The following ERBB4 variants were observed in gnomAD, a reference collection of about 807,000 sequenced individuals.
The protein encoded by ERBB4 is receptor tyrosine-protein kinase erbB-4.
ERBB4 carries 42 observed loss-of-function variants against 158.0 expected under a neutral mutation model. That is an observed-to-expected ratio of 0.27 (90% confidence interval 0.21 to 0.34). ERBB4 has a LOEUF of 0.34. Among genes scored for constraint, ERBB4 ranks in the 10% least tolerant of loss-of-function variants. The pLI, the probability that ERBB4 is intolerant of heterozygous loss-of-function variation, is 1.00. For missense variants in ERBB4, 1,333 were observed against 1,624.1 expected (o/e 0.82, Z 3.08); for synonymous variants, 583 against 558.7 (o/e 1.04, Z -0.61).
intron 2 of ERBB4, among the ~76,000 whole-genome samples, chr2:212,076,822 G>A (rs1242900917): frequency 1.3e-5 from 2 of 151,732 alleles, no homozygotes; most frequent in African/African-American, 4.8e-5. Flanking sequence ...CAAAATATTC[G>A]TCCATCAAAA....
intron 1 of ERBB4, among the ~76,000 whole-genome samples, chr2:212,233,520 T>C (rs890452940): frequency 6.6e-6 from 1 of 152,170 alleles, no homozygotes; most frequent in Non-Finnish European, 1.5e-5. Flanking sequence ...AGTAAGTTGA[T>C]ATTAAGAAAC....
intron 2 of ERBB4, among the ~76,000 whole-genome samples, chr2:211,949,652 A>G (rs1325835258): frequency 6.6e-6 from 1 of 152,134 alleles, no homozygotes; most frequent in African/African-American, 2.4e-5. Context: ...TCTCTTTCAC[A>G]TGAAAAGTAT....
chr2:211,460,287 A>T (rs994273369), intron 20 of ERBB4, among the ~76,000 whole-genome samples: 3 of 152,154 alleles, frequency 2.0e-5, no homozygotes, highest in Non-Finnish European at 4.4e-5. Flanking sequence ...ATTTCTACTG[A>T]ACTGTAATCA....
intron 3 of ERBB4, among the ~76,000 whole-genome samples, chr2:211,918,333 T>A (rs2079758602): frequency 6.6e-6 from 1 of 152,182 alleles, no homozygotes; most frequent in African/African-American, 2.4e-5. Flanking sequence ...AACTTTTTTT[T>A]ATGTCTATAC....
At chr2:212,367,155 C>A (rs543800853) in intron 1 of ERBB4, among the ~76,000 whole-genome samples, 27 of 152,134 alleles carry the variant, frequency 1.8e-4, no homozygotes, top group Non-Finnish European at 3.5e-4. Flanking sequence ...CAGCCATCTA[C>A]AAGTCAAAGG....
intron 3 of ERBB4, among the ~76,000 whole-genome samples, chr2:211,890,011 T>C (rs1257732976): frequency 1.4e-4 from 14 of 97,106 alleles, no homozygotes; most frequent in Non-Finnish European, 6.0e-5. Flanking sequence ...ACTTCCCCAA[T>C]CTAGCAAGGC....
chr2:211,417,480 GA>G (rs1384138902), intron 25 of ERBB4, among the ~76,000 whole-genome samples: 2 of 151,904 alleles, frequency 1.3e-5, no homozygotes, highest in African/African-American at 4.8e-5. Context: ...TCTCAAAAAA[GA>G]AAAAATTTTA....
intron 1 of ERBB4, among the ~76,000 whole-genome samples, chr2:212,237,901 T>C (rs1851286): frequency 0.74 from 112,637 of 152,062 alleles, 41,989 homozygotes; most frequent in East Asian, 0.77. Context: ...CCTACTCAAG[T>C]CTCAGTAATA....
intron 20 of ERBB4, among the ~76,000 whole-genome samples, chr2:211,446,942 C>T (rs975007828): frequency 1.3e-5 from 2 of 152,034 alleles, no homozygotes; most frequent in African/African-American, 4.8e-5. Context: ...ATTTTTTCCA[C>T]ATCACAATAT....
At chr2:212,325,433 A>G (rs1382755559) in intron 1 of ERBB4, among the ~76,000 whole-genome samples, 1 of 150,782 alleles carries the variant, frequency 6.6e-6, no homozygotes, top group African/African-American at 2.4e-5. Context: ...GAGAAATATA[A>G]TAAGAAAGAG....
chr2:211,884,177 T>G (rs527469070), intron 3 of ERBB4, among the ~76,000 whole-genome samples: 25 of 152,218 alleles, frequency 1.6e-4, no homozygotes, highest in Non-Finnish European at 3.2e-4. Context: ...TCTGGATACA[T>G]GATTCCTGTT....
rs115671565 is a variant in ERBB4 at position 211,895,591 on chromosome 2, C to T, written c.421+51839G>A. Among the ~76,000 whole-genome samples, 537 of 152,166 alleles carry T rather than the reference C, an allele frequency of 3.5e-3. 4 individuals are homozygous for T. Among genetic ancestry groups the T allele is most frequent in the African/African-American group, 0.011 (471 of 41,526 alleles). On this transcript the variant is annotated intron_variant, in intron 3 of 27. Coordinates refer to ENST00000342788, the MANE Select transcript of ERBB4 (RefSeq NM_005235.3). ...TTTCTTGTATTATCAATTGCTCCCC[C>T]TCTATGGACTCTTTAGACAACAGCA...
chr2:211,753,858 T>G (rs890495010), intron 4 of ERBB4, among the ~76,000 whole-genome samples: 2 of 137,418 alleles, frequency 1.5e-5, no homozygotes, highest in African/African-American at 5.9e-5. Flanking sequence ...GTCCTGATTT[T>G]TTTTTTTTTT....
intron 21 of ERBB4, among the ~76,000 whole-genome samples, 166 bp downstream of exon 21, chr2:211,430,779 C>T (rs2063732093): frequency 6.6e-6 from 1 of 151,180 alleles, no homozygotes; most frequent in African/African-American, 2.4e-5. Context: ...TATATATATA[C>T]ACACACATAT....
chr2:212,405,327 T>TCA (rs112031484), intron 1 of ERBB4, among the ~76,000 whole-genome samples: 5,218 of 151,886 alleles, frequency 0.034, 145 homozygotes, highest in East Asian at 0.057. Context: ...TATTAAAAAG[T>TCA]AAAAATAACA....
chr2:212,143,621 C>G (rs1273993677), intron 1 of ERBB4, among the ~76,000 whole-genome samples: 1 of 151,980 alleles, frequency 6.6e-6, no homozygotes, highest in African/African-American at 2.4e-5. Flanking sequence ...TAAATAAAAA[C>G]AGATTGATTA....
intron 19 of ERBB4, among the ~76,000 whole-genome samples, chr2:211,597,170 A>G (rs955704255): frequency 3.9e-5 from 6 of 152,170 alleles, no homozygotes; most frequent in Admixed American, 2.0e-4. Context: ...GTCTATAGAG[A>G]GGAGGGTTAG....
chr2:211,898,831 C>A (rs1230337218), intron 3 of ERBB4, among the ~76,000 whole-genome samples: 1 of 152,036 alleles, frequency 6.6e-6, no homozygotes, highest in Non-Finnish European at 1.5e-5. Context: ...CAGTAGCATG[C>A]CTATCATTCA....
intron 20 of ERBB4, among the ~76,000 whole-genome samples, chr2:211,458,879 T>C (rs1170386125): frequency 1.3e-5 from 2 of 152,152 alleles, no homozygotes; most frequent in Non-Finnish European, 2.9e-5. Flanking sequence ...AAGTCATAGT[T>C]TTCTGCAGCT....
Sources: gnomAD v4.1 joint callset for allele counts (sites outside exome capture counted in the v4.1 genomes callset) on GRCh38, gnomAD v4.1.1 for gene constraint, MANE v1.5 for transcripts, NCBI Gene and HGNC (gene_info 2026-07-23, HGNC 2026-07-21) for gene names.